PTPRD: variants seen among roughly 807,000 people sequenced by gnomAD.
The protein encoded by PTPRD is receptor-type tyrosine-protein phosphatase delta.
Under a neutral mutation model 214.5 loss-of-function variants are expected in PTPRD, and 34 were observed. The observed-to-expected ratio is 0.16, with a 90% confidence interval of 0.12 to 0.21. PTPRD has a LOEUF of 0.21. Among genes scored for constraint, PTPRD ranks in the 10% least tolerant of loss-of-function variants. PTPRD has a pLI of 1.00. For synonymous variants in PTPRD, 1,128 were observed against 845.7 expected (o/e 1.33, Z -5.79); for missense variants, 2,545 against 2,398.7 (o/e 1.06, Z -1.27).
chr9:9,932,908 G>C (rs1388597647), intron 5 of PTPRD, among the ~76,000 whole-genome samples: 1 of 136,978 alleles, frequency 7.3e-6, no homozygotes, highest in Non-Finnish European at 1.6e-5. Flanking sequence ...CCAGAAAAGA[G>C]TGGGGGCCAA....
intron 3 of PTPRD, among the ~76,000 whole-genome samples, chr9:10,047,577 T>C (rs1403593364): frequency 6.6e-6 from 1 of 152,058 alleles, no homozygotes; most frequent in Admixed American, 6.6e-5. Context: ...CACATACTTT[T>C]TTGTTCCCAC....
intron 5 of PTPRD, among the ~76,000 whole-genome samples, chr9:9,927,986 T>C (rs923104484): frequency 7.5e-6 from 1 of 132,538 alleles, no homozygotes; most frequent in Non-Finnish European, 1.7e-5. Flanking sequence ...ATAAAACTTG[T>C]TTTTATGTAT....
chr9:8,854,823 C>A lies in PTPRD; in HGVS notation c.-103-120877G>T, dbSNP rs78361492. ...TGCCTATACTTCCCTTAAAGTAATT[C>A]TGCTTCATTTATCTTTTAACCCTAC... On this transcript the variant is annotated intron_variant, in intron 11 of 45. Transcript: ENST00000381196. Among the ~76,000 whole-genome samples the A allele has an allele frequency of 5.2e-3, 788 of 152,306 alleles. 20 individuals carry two copies. Among genetic ancestry groups the A allele is most frequent in the Admixed American group, 0.041 (622 of 15,294 alleles).
intron 11 of PTPRD, among the ~76,000 whole-genome samples, chr9:8,952,489 T>G (rs2099107951): frequency 6.6e-6 from 1 of 151,972 alleles, no homozygotes; most frequent in African/African-American, 2.4e-5. Context: ...GATTTTAACA[T>G]GTGCGTAGAT....
chr9:9,315,186 G>A (rs1260679305), intron 9 of PTPRD, among the ~76,000 whole-genome samples: 2 of 151,922 alleles, frequency 1.3e-5, no homozygotes, highest in African/African-American at 2.4e-5. Context: ...TAAAGAAGCT[G>A]AATTTCACCA....
chr9:10,325,994 T>A (rs2096636323), intron 3 of PTPRD, among the ~76,000 whole-genome samples: 1 of 151,872 alleles, frequency 6.6e-6, no homozygotes, highest in Non-Finnish European at 1.5e-5. Flanking sequence ...GAAATATATC[T>A]GAGCAAGTAT....
At chr9:10,231,039 C>T (rs746881632) in intron 3 of PTPRD, among the ~76,000 whole-genome samples, 4 of 151,914 alleles carry the variant, frequency 2.6e-5, no homozygotes, top group Non-Finnish European at 4.4e-5. Flanking sequence ...AAAATAACCT[C>T]CTGGACTGGT....
At chr9:10,115,381 G>A (rs923812944) in intron 3 of PTPRD, among the ~76,000 whole-genome samples, 4 of 152,052 alleles carry the variant, frequency 2.6e-5, no homozygotes, top group African/African-American at 9.7e-5. Flanking sequence ...AGAGTGAATT[G>A]TTTCAATGTA....
chr9:8,449,842 AG>A lies in PTPRD; in HGVS notation c.3876-6del, dbSNP rs746597720. ...GAGTCGGACTCTGCCCTCTTCCTATAGGGGGAAAATAGAAATTTAAGAAGAA... is the reference window on the plus strand; with the variant it reads ...GAGTCGGACTCTGCCCTCTTCCTATAGGGGAAAATAGAAATTTAAGAAGAA... On this transcript the variant is annotated splice_polypyrimidine_tract_variant and splice_region_variant and intron_variant, in intron 33 of 45. Coordinates refer to ENST00000381196, the MANE Select transcript of PTPRD (RefSeq NM_002839.4). The A allele has an allele frequency of 8.1e-6, 13 of 1,612,284 alleles. No homozygotes were observed. In the East Asian group the frequency reaches 2.5e-4, roughly 30 times the overall value.
intron 2 of PTPRD, among the ~76,000 whole-genome samples, chr9:10,406,101 G>A (rs1050739940): frequency 1.3e-5 from 2 of 151,224 alleles, no homozygotes; most frequent in Non-Finnish European, 3.0e-5. Context: ...AATTACTGAT[G>A]TTACTAGCTG....
At chr9:8,490,948 T>C (rs956864866) in intron 27 of PTPRD, among the ~76,000 whole-genome samples, 5 of 152,192 alleles carry the variant, frequency 3.3e-5, no homozygotes, top group Admixed American at 1.3e-4. Flanking sequence ...ATCTGTGAGA[T>C]AAACTCAGTA....
chr9:8,942,714 A>T (rs1379520298), intron 11 of PTPRD, among the ~76,000 whole-genome samples: 1 of 152,038 alleles, frequency 6.6e-6, no homozygotes, highest in Non-Finnish European at 1.5e-5. Context: ...GGCTTGGATG[A>T]CTCTGATTTC....
At chr9:10,247,356 T>C (rs548900144) in intron 3 of PTPRD, among the ~76,000 whole-genome samples, 1 of 152,318 alleles carries the variant, frequency 6.6e-6, no homozygotes, top group Non-Finnish European at 1.5e-5. Flanking sequence ...CTAGAGGTAT[T>C]AAAATAAGAA....
intron 8 of PTPRD, among the ~76,000 whole-genome samples, chr9:9,403,369 C>T (rs571692556): frequency 6.8e-6 from 1 of 147,706 alleles, no homozygotes; most frequent in South Asian, 2.2e-4. Context: ...TGTGATATCA[C>T]ATGTATAAGT....
intron 11 of PTPRD, among the ~76,000 whole-genome samples, chr9:8,986,663 T>A (rs2099346505): frequency 6.6e-6 from 1 of 152,064 alleles, no homozygotes. Flanking sequence ...GGTGAACATC[T>A]TAGAACACAA....
At chr9:9,778,662 G>T (rs1230204035) in intron 5 of PTPRD, among the ~76,000 whole-genome samples, 1 of 152,114 alleles carries the variant, frequency 6.6e-6, no homozygotes, top group Non-Finnish European at 1.5e-5. Context: ...GGTACACAGT[G>T]TAGCCTTAGC....
chr9:9,307,241 A>G (rs150951622), intron 9 of PTPRD, among the ~76,000 whole-genome samples: 1 of 152,166 alleles, frequency 6.6e-6, no homozygotes, highest in Admixed American at 6.5e-5. Context: ...CACTTGTAAG[A>G]TCAAACATTT....
chr9:8,949,619 G>A (rs2099090976), intron 11 of PTPRD, among the ~76,000 whole-genome samples: 1 of 151,986 alleles, frequency 6.6e-6, no homozygotes, highest in Non-Finnish European at 1.5e-5. Context: ...AATACATTGA[G>A]GTCACCAAAT....
At chr9:10,370,611 A>G (rs1194015970) in intron 2 of PTPRD, among the ~76,000 whole-genome samples, 1 of 152,128 alleles carries the variant, frequency 6.6e-6, no homozygotes, top group Non-Finnish European at 1.5e-5. Context: ...AAGTCTTTCT[A>G]TGAAATTTCT....
Sources: allele counts gnomAD v4.1 joint callset (sites outside exome capture counted in the v4.1 genomes callset), GRCh38; gene constraint gnomAD v4.1.1; transcripts MANE v1.5; gene names NCBI Gene and HGNC (gene_info 2026-07-23, HGNC 2026-07-21).